The following JAZF1 variants were observed in gnomAD, a reference collection of about 807,000 sequenced individuals.
JAZF1 encodes the protein JAZF zinc finger 1.
Under a neutral mutation model 26.4 loss-of-function variants are expected in JAZF1, and 8 were observed. The observed-to-expected ratio is 0.30, with a 90% CI of 0.18 to 0.55. JAZF1 has a LOEUF of 0.55. JAZF1 is among the 20% of genes least tolerant of loss of function. JAZF1 has a pLI of 0.94. For missense variants in JAZF1, 199 were observed against 322.0 expected, an observed-to-expected ratio of 0.62 and a Z score of 2.92; for synonymous variants, 126 against 122.3, an observed-to-expected ratio of 1.03 and a Z score of -0.20.
intron 1 of JAZF1, among the ~76,000 whole-genome samples, chr7:28,155,589 C>A (rs1783170195): frequency 6.6e-6 from 1 of 152,154 alleles, no homozygotes; most frequent in Non-Finnish European, 1.5e-5. Flanking sequence ...CTAAGTAATC[C>A]TTTCTTCCCT....
At chr7:27,985,825 T>A (rs1320102906) in intron 2 of JAZF1, among the ~76,000 whole-genome samples, 1 of 152,046 alleles carries the variant, frequency 6.6e-6, no homozygotes, top group Non-Finnish European at 1.5e-5. Context: ...ACGTAATCCA[T>A]CATATAAACA....
intron 3 of JAZF1, among the ~76,000 whole-genome samples, chr7:27,885,249 C>A (rs1469997161): frequency 6.6e-6 from 1 of 152,220 alleles, no homozygotes; most frequent in Non-Finnish European, 1.5e-5. Flanking sequence ...TATGTGGGCA[C>A]ATCCTTCAAC....
At position 27,832,785 on chromosome 7, in the gene JAZF1, G is replaced by A; in HGVS notation, c.*15C>T. 4.5e-6 allele frequency: 7 copies of A among 1,545,372 alleles called. No homozygotes were observed. Among genetic ancestry groups the A allele is most frequent in the Middle Eastern group, 1.7e-4 (1 of 5,764 alleles). Reference sequence around the variant, plus strand: ...CTGCTGGTGAGGATTTCTTGGCACAGTTATGACCAGCATGTTATTGCTGCA... The same window carrying A: ...CTGCTGGTGAGGATTTCTTGGCACAATTATGACCAGCATGTTATTGCTGCA... On this transcript the variant is annotated 3_prime_UTR_variant, in exon 5 of 5. Coordinates refer to ENST00000283928, the MANE Select transcript of JAZF1 (RefSeq NM_175061.4).
At chr7:27,866,672 C>G (rs1259965238) in intron 3 of JAZF1, among the ~76,000 whole-genome samples, 1 of 152,196 alleles carries the variant, frequency 6.6e-6, no homozygotes, top group Admixed American at 6.5e-5. Flanking sequence ...TAACAATAAT[C>G]TAATTCGAAT....
intron 2 of JAZF1, among the ~76,000 whole-genome samples, chr7:27,979,311 A>G (rs1361185238): frequency 1.3e-5 from 2 of 150,782 alleles, no homozygotes; most frequent in African/African-American, 4.9e-5. Context: ...ATTTTAATAA[A>G]AGCATATTTT....
At chr7:28,028,638 C>T (rs377734380) in intron 1 of JAZF1, among the ~76,000 whole-genome samples, 60 of 152,202 alleles carry the variant, frequency 3.9e-4, no homozygotes, top group African/African-American at 1.4e-3. Flanking sequence ...TCAATTGTCA[C>T]GAATAAGGAT....
At position 27,880,955 on chromosome 7, in the gene JAZF1, G is replaced by A. The variant is rs966658452; in HGVS notation, c.385+14265C>T. Among the ~76,000 whole-genome samples, 7 of 152,330 alleles carry A rather than the reference G, an allele frequency of 4.6e-5. No homozygotes were observed. The East Asian group carries it at 1.2e-3, about 25-fold the overall frequency. ...CTCCCAAATTGTTGGGATTATAGGC[G>A]TGAGCCACTGTGCCTGGCCTGAACT... On this transcript the variant is annotated intron_variant, in intron 3 of 4. Coordinates refer to ENST00000283928, the MANE Select transcript of JAZF1 (RefSeq NM_175061.4).
At chr7:27,927,068 A>T (rs1784612406) in intron 2 of JAZF1, among the ~76,000 whole-genome samples, 1 of 151,988 alleles carries the variant, frequency 6.6e-6, no homozygotes, top group Non-Finnish European at 1.5e-5. Flanking sequence ...AATGGGGTGA[A>T]TTTTTTCTGC....
At chr7:28,011,201 G>C (rs547581629) in intron 1 of JAZF1, among the ~76,000 whole-genome samples, 1 of 152,134 alleles carries the variant, frequency 6.6e-6, no homozygotes, top group East Asian at 1.9e-4. Flanking sequence ...AAGGTCCTTA[G>C]AGAGAAGGAA....
chr7:28,032,150 T>C (rs1182311443), intron 1 of JAZF1, among the ~76,000 whole-genome samples: 7 of 152,226 alleles, frequency 4.6e-5, no homozygotes, highest in Non-Finnish European at 8.8e-5. Context: ...AAGTTCATCT[T>C]GTATATGTAC....
intron 2 of JAZF1, among the ~76,000 whole-genome samples, chr7:27,914,547 T>C (rs1465040416): frequency 6.6e-6 from 1 of 152,218 alleles, no homozygotes; most frequent in Non-Finnish European, 1.5e-5. Context: ...GACTGCATTC[T>C]GATTTTCTCA....
rs1562590947 is a variant in JAZF1, at chr7:28,110,515, A to AAAGG, written c.115+69947_115+69948insCCTT. On this transcript the variant is annotated intron_variant, in intron 1 of 4. Transcript: ENST00000283928. ...AAGGAAAGGAAAGGAAAAGGAAAGGAAAAGGAAAAGGAAAAGGAAAGGAAA... is the reference window on the plus strand; with the variant it reads ...AAGGAAAGGAAAGGAAAAGGAAAGGAAAGGAAAGGAAAAGGAAAAGGAAAGGAAA... Among the ~76,000 whole-genome samples, 84 of 58,936 alleles carry AAAGG rather than the reference A, an allele frequency of 1.4e-3. 6 individuals carry two copies. The highest frequency in any genetic ancestry group is 5.5e-3 in the African/African-American group (60 of 10,898). The allele number at this position is 58,936 out of a possible 152,430, so 38.7% of individuals were successfully genotyped here.
At chr7:27,960,029 G>C (rs1785163296) in intron 2 of JAZF1, among the ~76,000 whole-genome samples, 1 of 152,194 alleles carries the variant, frequency 6.6e-6, no homozygotes, top group African/African-American at 2.4e-5. Context: ...AATGAGGTTA[G>C]AGTGAAATAC....
chr7:28,154,456 CCT>C, intron 1 of JAZF1, among the ~76,000 whole-genome samples: 2 of 152,174 alleles, frequency 1.3e-5, no homozygotes, highest in Non-Finnish European at 2.9e-5. Flanking sequence ...TCAAACTTAA[CCT>C]CATATCCAAT....
intron 2 of JAZF1, among the ~76,000 whole-genome samples, chr7:27,980,376 G>A (rs1055548535): frequency 6.6e-6 from 1 of 151,838 alleles, no homozygotes; most frequent in Admixed American, 6.6e-5. Flanking sequence ...AAAATCATAG[G>A]TTTTTTTTCC....
At chr7:28,031,548 C>T (rs147313209) in intron 1 of JAZF1, among the ~76,000 whole-genome samples, 6 of 152,164 alleles carry the variant, frequency 3.9e-5, no homozygotes, top group African/African-American at 7.2e-5. Flanking sequence ...TCCTGCAGAG[C>T]GTACCATTTG....
Position 27,874,525 on chromosome 7 carries a change from A to C in JAZF1, c.385+20695T>G, listed in dbSNP as rs117018216. On this transcript the variant is annotated intron_variant, in intron 3 of 4. Transcript: ENST00000283928. ...ATTTCCAGAACCAATCTGTCGATTT[A>C]TGAGAATCAGATCATTCAGACAGAC... 6.8e-3 allele frequency among the ~76,000 whole-genome samples: 1,030 copies of C among 152,322 alleles called. 7 individuals carry two copies. Among genetic ancestry groups the C allele is most frequent in the Non-Finnish European group, 0.01 (708 of 68,016 alleles).
At chr7:27,981,944 A>G (rs1163986057) in intron 2 of JAZF1, among the ~76,000 whole-genome samples, 4 of 152,152 alleles carry the variant, frequency 2.6e-5, no homozygotes, top group Non-Finnish European at 5.9e-5. Context: ...GTCCCAAACC[A>G]TGCTTGGCAA....
At position 28,160,428 on chromosome 7, in the gene JAZF1, G is replaced by A. The variant is rs116911121; in HGVS notation, c.115+20035C>T. On this transcript the variant is annotated intron_variant, in intron 1 of 4. Transcript: ENST00000283928. ...TAGAATGTAGGCTCCATGAGGGCAA[G>A]GGCTTTGCTTGTGGCTGCACCCCCA... 3.7e-3 allele frequency among the ~76,000 whole-genome samples: 559 copies of A among 152,210 alleles called. 1 individual carries two copies. Among genetic ancestry groups the A allele is most frequent in the Middle Eastern group, 0.01 (3 of 294 alleles).
Sources: allele counts gnomAD v4.1 joint callset (sites outside exome capture counted in the v4.1 genomes callset), GRCh38; gene constraint gnomAD v4.1.1; transcripts MANE v1.5; gene names NCBI Gene and HGNC (gene_info 2026-07-23, HGNC 2026-07-21).